SYNPR: variants seen among roughly 807,000 people sequenced by gnomAD.
SYNPR encodes the protein synaptoporin.
Under a neutral mutation model 32.9 loss-of-function variants are expected in SYNPR, and 23 were observed. That is an observed-to-expected ratio of 0.70 (90% CI 0.50 to 0.99). SYNPR has a LOEUF of 0.99. Among genes scored for constraint, SYNPR ranks in the 50% least tolerant of loss-of-function variants. The pLI, the probability that SYNPR is intolerant of heterozygous loss-of-function variation, is 0.00. For synonymous variants in SYNPR, 146 were observed against 135.9 expected, an observed-to-expected ratio of 1.07 and a Z score of -0.52; for missense variants, 318 against 349.3, an observed-to-expected ratio of 0.91 and a Z score of 0.71.
intron 4 of SYNPR, among the ~76,000 whole-genome samples, chr3:63,579,684 T>G (rs1381198443): frequency 6.6e-6 from 1 of 152,078 alleles, no homozygotes. Context: ...TCTGTTGGTG[T>G]TTTTATATGG....
intron 2 of SYNPR, among the ~76,000 whole-genome samples, chr3:63,258,426 AC>A (rs2086407340): frequency 6.6e-6 from 1 of 152,102 alleles, no homozygotes; most frequent in African/African-American, 2.4e-5. Flanking sequence ...CTCACTCAAA[AC>A]CACTCAACTA....
At chr3:63,395,358 A>C (rs750690437) in intron 2 of SYNPR, among the ~76,000 whole-genome samples, 5 of 152,192 alleles carry the variant, frequency 3.3e-5, no homozygotes, top group Non-Finnish European at 7.3e-5. Flanking sequence ...CTGATTTTCC[A>C]GAAGGGTTCC....
chr3:63,242,195 C>T (rs1001435744), intron 1 of SYNPR, among the ~76,000 whole-genome samples: 1 of 151,996 alleles, frequency 6.6e-6, no homozygotes, highest in East Asian at 1.9e-4. Context: ...AAATGGAAAG[C>T]AAACTCAAAA....
chr3:63,507,355 G>A (rs913442415), intron 3 of SYNPR, among the ~76,000 whole-genome samples: 4 of 147,806 alleles, frequency 2.7e-5, no homozygotes, highest in African/African-American at 1.0e-4. Context: ...TGTCACAAGT[G>A]CATAACCTCA....
chr3:63,356,066 C>G (rs1240996509), intron 2 of SYNPR, among the ~76,000 whole-genome samples: 1 of 152,344 alleles, frequency 6.6e-6, no homozygotes, highest in South Asian at 2.1e-4. Context: ...CTCATCTCCT[C>G]AGGGAATAAG....
chr3:63,422,597 G>A lies in SYNPR; in HGVS notation c.85-58235G>A, dbSNP rs184791650. Among the ~76,000 whole-genome samples the A allele has an allele frequency of 1.5e-4, 23 of 152,066 alleles. 1 individual carries two copies. Among genetic ancestry groups the A allele is most frequent in the African/African-American group, 5.3e-4 (22 of 41,466 alleles). ...TATACATCAGTTATGCCTCAATAAAGTCATAAATTAAATAAAAACATTTTC... is the reference window on the plus strand; with the variant it reads ...TATACATCAGTTATGCCTCAATAAAATCATAAATTAAATAAAAACATTTTC... On this transcript the variant is annotated intron_variant, in intron 2 of 5. Coordinates refer to ENST00000478300, the MANE Select transcript of SYNPR (RefSeq NM_001130003.2).
rs1267848601 is a variant in SYNPR at position 63,595,743 on chromosome 3, A to T, written c.409-13382A>T. Among the ~76,000 whole-genome samples the T allele has an allele frequency of 1.6e-3, 76 of 47,156 alleles. 4 individuals are homozygous for T. Among genetic ancestry groups the T allele is most frequent in the African/African-American group, 0.014 (70 of 4,924 alleles). 30.9% of individuals were successfully genotyped at this position (47,156 alleles called of 152,430 possible). On this transcript the variant is annotated intron_variant, in intron 4 of 5. Transcript: ENST00000478300. ...TATATATATATATATATATATATAT[A>T]TATATATATATATATATATATATAT...
chr3:63,537,094 C>T (rs544536915), intron 3 of SYNPR, among the ~76,000 whole-genome samples: 3 of 152,082 alleles, frequency 2.0e-5, no homozygotes, highest in South Asian at 4.1e-4. Context: ...CTTACTGAAA[C>T]GTGCACTTTA....
intron 2 of SYNPR, among the ~76,000 whole-genome samples, chr3:63,343,445 G>A (rs753228025): frequency 6.6e-6 from 1 of 152,086 alleles, no homozygotes; most frequent in Non-Finnish European, 1.5e-5. Context: ...GCATCCCAGG[G>A]GCATGGCACT....
At chr3:63,491,965 C>T (rs370614343) in intron 3 of SYNPR, among the ~76,000 whole-genome samples, 1 of 152,020 alleles carries the variant, frequency 6.6e-6, no homozygotes. Flanking sequence ...GCAAGAGGCA[C>T]GATAAGAGGA....
At chr3:63,305,715 C>T (rs989101139) in intron 2 of SYNPR, among the ~76,000 whole-genome samples, 6 of 151,974 alleles carry the variant, frequency 3.9e-5, no homozygotes, top group East Asian at 1.9e-4. Context: ...GGTGTCCTAC[C>T]GACATACTAC....
chr3:63,589,038 A>G (rs1703255015), intron 4 of SYNPR, among the ~76,000 whole-genome samples: 2 of 151,948 alleles, frequency 1.3e-5, no homozygotes, highest in African/African-American at 4.8e-5. Context: ...ATCAACATGC[A>G]TTTTTCCTAG....
intron 2 of SYNPR, among the ~76,000 whole-genome samples, chr3:63,262,108 A>G (rs2086443150): frequency 1.1e-4 from 1 of 9,328 alleles, no homozygotes; most frequent in African/African-American, 2.8e-4. Flanking sequence ...TCTTAAGGAC[A>G]AAAAAAAAAC....
At chr3:63,265,532 G>T (rs1349647361) in intron 2 of SYNPR, among the ~76,000 whole-genome samples, 5 of 152,238 alleles carry the variant, frequency 3.3e-5, no homozygotes, top group African/African-American at 4.8e-5. Context: ...GATTACAGGC[G>T]TGAGCCACTG....
intron 3 of SYNPR, among the ~76,000 whole-genome samples, chr3:63,490,201 C>T (rs866519714): frequency 1.3e-5 from 2 of 152,048 alleles, no homozygotes; most frequent in African/African-American, 4.8e-5. Flanking sequence ...AGAGCAGAGG[C>T]CTGAAATCTG....
chr3:63,347,507 G>A (rs1560200150), intron 2 of SYNPR, among the ~76,000 whole-genome samples: 1 of 152,046 alleles, frequency 6.6e-6, no homozygotes, highest in East Asian at 1.9e-4. Context: ...TAAATTTAAG[G>A]TATACAAGTA....
chr3:63,409,064 CAA>C (rs1015241668), intron 2 of SYNPR, among the ~76,000 whole-genome samples: 18 of 152,106 alleles, frequency 1.2e-4, no homozygotes, highest in Non-Finnish European at 1.0e-4. Flanking sequence ...CCCTAAAGAT[CAA>C]TCCATCTGCA....
At chr3:63,345,727 T>A (rs1178396120) in intron 2 of SYNPR, among the ~76,000 whole-genome samples, 1 of 152,118 alleles carries the variant, frequency 6.6e-6, no homozygotes, top group Non-Finnish European at 1.5e-5. Flanking sequence ...GAGAAGTGGA[T>A]CTTTAGGGAC....
rs143152670 is a variant in SYNPR at position 63,310,263 on chromosome 3, T to C, written c.84+31521T>C. Reference sequence around the variant, plus strand: ...GACAGCTTTGAGGAGGAAAGTAGACTCTTATTGTTTTTATGCAATTAAAAA... The same window carrying C: ...GACAGCTTTGAGGAGGAAAGTAGACCCTTATTGTTTTTATGCAATTAAAAA... On this transcript the variant is annotated intron_variant, in intron 2 of 5. Transcript: ENST00000478300. Among the ~76,000 whole-genome samples the C allele has an allele frequency of 5.6e-4, 85 of 152,106 alleles. No homozygotes were observed. The East Asian group carries it at 0.016, about 29-fold the overall frequency.
Sources: allele counts gnomAD v4.1 joint callset (sites outside exome capture counted in the v4.1 genomes callset), GRCh38; gene constraint gnomAD v4.1.1; transcripts MANE v1.5; gene names NCBI Gene and HGNC (gene_info 2026-07-23, HGNC 2026-07-21).